Variants in CIMAP2 observed in about 807,000 individuals in gnomAD.
CIMAP2 encodes ciliary microtubule-associated protein 2.
chr1:54,820,350 T>G, the CIMAP2 span, among the ~76,000 whole-genome samples: 3 of 150,898 alleles, frequency 2.0e-5, no homozygotes, highest in Non-Finnish European at 4.4e-5. Flanking sequence ...AAAGTTTTGT[T>G]TTTTTTTTGT....
At chr1:54,832,015 T>G in the CIMAP2 span, among the ~76,000 whole-genome samples, 3 of 152,174 alleles carry the variant, frequency 2.0e-5, no homozygotes, top group African/African-American at 7.2e-5. Flanking sequence ...CCCAACTAAT[T>G]GTTGTATTTT....
chr1:54,834,271 T>G, the CIMAP2 span, among the ~76,000 whole-genome samples: 5 of 152,230 alleles, frequency 3.3e-5, no homozygotes, highest in Non-Finnish European at 7.3e-5. Flanking sequence ...ATACAGAACT[T>G]TTCTACTTTC....
At chr1:54,829,899 A>G in the CIMAP2 span, among the ~76,000 whole-genome samples, 20 of 151,116 alleles carry the variant, frequency 1.3e-4, no homozygotes, top group African/African-American at 4.9e-4. Flanking sequence ...ATTTTTCTGT[A>G]TGTTCATTTT....
the CIMAP2 span, chr1:54,807,376 G>A: frequency 1.9e-6 from 2 of 1,048,938 alleles, no homozygotes; most frequent in Non-Finnish European, 2.7e-6. Context: ...TGCCAAGCCT[G>A]TTGGTGCCAG....
At chr1:54,829,081 G>A in the CIMAP2 span, among the ~76,000 whole-genome samples, 261 of 152,338 alleles carry the variant, frequency 1.7e-3, 1 homozygote, top group Non-Finnish European at 2.5e-3. Flanking sequence ...GATTACATGC[G>A]GAGGGCAGGG....
At chr1:54,832,812 G>C in the CIMAP2 span, among the ~76,000 whole-genome samples, 2 of 152,168 alleles carry the variant, frequency 1.3e-5, no homozygotes, top group Admixed American at 6.5e-5. Context: ...AGGATCACTT[G>C]AGGTCAGGCG....
chr1:54,819,795 TC>T, the CIMAP2 span, among the ~76,000 whole-genome samples: 1 of 141,080 alleles, frequency 7.1e-6, no homozygotes, highest in Non-Finnish European at 1.5e-5. Flanking sequence ...CCTTTTCTTC[TC>T]TTTTCTTCTT....
At chr1:54,829,460 C>T in the CIMAP2 span, among the ~76,000 whole-genome samples, 2 of 152,170 alleles carry the variant, frequency 1.3e-5, no homozygotes, top group African/African-American at 4.8e-5. Context: ...AAGCCTTTGC[C>T]CTACTTGGGC....
the CIMAP2 span, among the ~76,000 whole-genome samples, chr1:54,825,067 T>G: frequency 1.6e-5 from 1 of 62,368 alleles, no homozygotes; most frequent in East Asian, 5.3e-4. Flanking sequence ...TTTTTTTTTT[T>G]GAGATGGAGT....
At chr1:54,820,775 G>A in the CIMAP2 span, among the ~76,000 whole-genome samples, 14 of 134,664 alleles carry the variant, frequency 1.0e-4, no homozygotes, top group African/African-American at 3.5e-4. Flanking sequence ...CACTTTTTTT[G>A]TTTGTTTGTT....
chr1:54,834,247 A>G, the CIMAP2 span, among the ~76,000 whole-genome samples: 2 of 152,212 alleles, frequency 1.3e-5, no homozygotes, highest in Non-Finnish European at 2.9e-5. Context: ...TTTTCCAGGC[A>G]GCTTCAAAAG....
the CIMAP2 span, among the ~76,000 whole-genome samples, chr1:54,823,866 A>T: frequency 6.6e-6 from 1 of 152,164 alleles, no homozygotes; most frequent in East Asian, 1.9e-4. Context: ...GTTTTTGCTT[A>T]TGCTGCAAAT....
At chr1:54,811,612 G>A in the CIMAP2 span, among the ~76,000 whole-genome samples, 1 of 152,106 alleles carries the variant, frequency 6.6e-6, no homozygotes, top group Non-Finnish European at 1.5e-5. Flanking sequence ...GGAGATGAAG[G>A]TGTGAGCAGT....
chr1:54,839,340 T>A, the CIMAP2 span, among the ~76,000 whole-genome samples: 1 of 151,966 alleles, frequency 6.6e-6, no homozygotes, highest in East Asian at 1.9e-4. Context: ...ATTCTGTATT[T>A]GAGAAGCCAC....
At chr1:54,814,632 C>T in the CIMAP2 span, among the ~76,000 whole-genome samples, 1 of 152,240 alleles carries the variant, frequency 6.6e-6, no homozygotes, top group Non-Finnish European at 1.5e-5. Context: ...GGTCTCCTTC[C>T]TCAGAAATGG....
At chr1:54,841,386 A>C in the CIMAP2 span, among the ~76,000 whole-genome samples, 2,788 of 152,252 alleles carry the variant, frequency 0.018, 84 homozygotes, top group African/African-American at 0.064. Flanking sequence ...AAAGAATTGG[A>C]GCAGTGGAGG....
At chr1:54,818,868 C>T in the CIMAP2 span, among the ~76,000 whole-genome samples, 1,504 of 152,294 alleles carry the variant, frequency 9.9e-3, 61 homozygotes, top group East Asian at 0.12. Context: ...GCTGGGATTA[C>T]AGGTGTGAGC....
At chr1:54,819,873 CTTCCT>C in the CIMAP2 span, among the ~76,000 whole-genome samples, 906 of 106,734 alleles carry the variant, frequency 8.5e-3, 25 homozygotes, top group Admixed American at 0.07. Context: ...TCCTCTCTTT[CTTCCT>C]TTCTTCTTTC....
chr1:54,813,667 G>A, the CIMAP2 span: 2 of 806,714 alleles, frequency 2.5e-6, no homozygotes, highest in African/African-American at 4.9e-5. Context: ...GGGCCTTGAG[G>A]CTGGCCCGGC....
Sources: gnomAD v4.1 joint callset for allele counts (sites outside exome capture counted in the v4.1 genomes callset) on GRCh38, gnomAD v4.1.1 for gene constraint, MANE v1.5 for transcripts, NCBI Gene and HGNC (gene_info 2026-07-23, HGNC 2026-07-21) for gene names.